Variants in PHKB observed in about 807,000 individuals in gnomAD.
PHKB encodes phosphorylase b kinase regulatory subunit beta.
In PHKB, 122 loss-of-function variants were observed where a neutral mutation model predicts 152.1. That is an observed-to-expected ratio of 0.80 (90% CI 0.69 to 0.93). The LOEUF (loss-of-function observed/expected upper bound fraction) is 0.93, where lower values mean the gene tolerates loss of function less well. PHKB is among the 40% of genes least tolerant of loss of function. The pLI is 0.00. For missense variants in PHKB, 1,304 were observed against 1,328.4 expected (o/e 0.98, Z 0.29); for synonymous variants, 436 against 464.9 (o/e 0.94, Z 0.80).
chr16:47,652,501 T>A (rs1011447342), intron 20 of PHKB, among the ~76,000 whole-genome samples: 40 of 151,838 alleles, frequency 2.6e-4, no homozygotes, highest in Non-Finnish European at 3.1e-4. Context: ...CTAATTGACA[T>A]TCCCACCAAA....
intron 14 of PHKB, among the ~76,000 whole-genome samples, chr16:47,623,590 G>A (rs1321834770): frequency 2.2e-5 from 3 of 137,774 alleles, no homozygotes; most frequent in Non-Finnish European, 3.0e-5. Context: ...TTGAGACGGA[G>A]TCTTGCTCTT....
At chr16:47,486,264 G>A (rs1352881642) in intron 1 of PHKB, among the ~76,000 whole-genome samples, 2 of 152,200 alleles carry the variant, frequency 1.3e-5, no homozygotes, top group Admixed American at 1.3e-4. Flanking sequence ...ACTCAGTTCA[G>A]TTCATAAATA....
chr16:47,650,756 G>T, intron 19 of PHKB, 75 bp from the exon 20 acceptor site: 1 of 1,276,840 alleles, frequency 7.8e-7, no homozygotes, highest in South Asian at 1.2e-5. Flanking sequence ...GTATATATAA[G>T]GGGCACTTAG....
chr16:47,562,754 A>G (rs760948685), intron 7 of PHKB, among the ~76,000 whole-genome samples: 20 of 152,212 alleles, frequency 1.3e-4, no homozygotes, highest in Non-Finnish European at 2.2e-4. Flanking sequence ...AGTTTGCCAC[A>G]TTGAAGGACT....
intron 13 of PHKB, among the ~76,000 whole-genome samples, chr16:47,599,517 G>A (rs372290503): frequency 9.2e-5 from 14 of 152,288 alleles, no homozygotes; most frequent in Admixed American, 5.2e-4. Flanking sequence ...TGAACTTTCC[G>A]TAATAAATGT....
intron 8 of PHKB, among the ~76,000 whole-genome samples, chr16:47,582,141 A>C (rs1471028077): frequency 6.6e-6 from 1 of 152,206 alleles, no homozygotes; most frequent in Non-Finnish European, 1.5e-5. Context: ...GGTCTTGCTA[A>C]CCTGGCTTCT....
At chr16:47,548,786 T>C (rs1971220222) in intron 7 of PHKB, among the ~76,000 whole-genome samples, 1 of 152,186 alleles carries the variant, frequency 6.6e-6, no homozygotes, top group Admixed American at 6.5e-5. Context: ...GTGACCTTTT[T>C]ATGATTCAGT....
At chr16:47,586,952 G>A (rs1971945102) in intron 8 of PHKB, among the ~76,000 whole-genome samples, 1 of 151,754 alleles carries the variant, frequency 6.6e-6, no homozygotes, top group South Asian at 2.1e-4. Flanking sequence ...ATACGTATAT[G>A]GGGGAATTGT....
chr16:47,645,549 C>T (rs1490625870), intron 16 of PHKB, among the ~76,000 whole-genome samples: 1 of 138,696 alleles, frequency 7.2e-6, no homozygotes, highest in African/African-American at 2.7e-5. Flanking sequence ...TTTCTGAGGG[C>T]TCTGTTCTGT....
At chr16:47,660,954 C>T (rs1452167487) in intron 22 of PHKB, 135 bp downstream of exon 22, 10 of 842,182 alleles carry the variant, frequency 1.2e-5, no homozygotes, top group African/African-American at 3.4e-5. Flanking sequence ...TGTCTACTCC[C>T]AGGGCAATCA....
chr16:47,589,665 A>G (rs905399839), intron 10 of PHKB, among the ~76,000 whole-genome samples: 3 of 152,214 alleles, frequency 2.0e-5, no homozygotes, highest in South Asian at 4.1e-4. Flanking sequence ...ATACCACTAT[A>G]TGTAGTTTTA....
At chr16:47,661,150 C>G (rs1312055011) in intron 22 of PHKB, among the ~76,000 whole-genome samples, 1 of 152,174 alleles carries the variant, frequency 6.6e-6, no homozygotes. Flanking sequence ...CTGCCCCCAT[C>G]TTGTCCCCTG....
chr16:47,559,884 G>A lies in PHKB; in HGVS notation c.710+12336G>A, dbSNP rs562042445. Among the ~76,000 whole-genome samples, 3 of 152,222 alleles carry A rather than the reference G, an allele frequency of 2.0e-5. No individual in the cohort carries two copies. In the South Asian group the frequency reaches 6.2e-4, roughly 32 times the overall value. ...TAAACCACCACGGGTCCTTCACTTG[G>A]ATTTTACTCCTTTAGGTTCCAGCCC... On this transcript the variant is annotated intron_variant, in intron 7 of 30. Coordinates refer to ENST00000323584, the MANE Select transcript of PHKB (RefSeq NM_000293.3).
At chr16:47,533,645 C>G (rs1182913705) in intron 6 of PHKB, among the ~76,000 whole-genome samples, 2 of 152,178 alleles carry the variant, frequency 1.3e-5, no homozygotes, top group African/African-American at 2.4e-5. Context: ...CCTGACTTTG[C>G]TCCAAGATCA....
chr16:47,547,478 C>T lies in PHKB; in HGVS notation c.640C>T (p.Arg214Cys), dbSNP rs1229604720. ...NLVFCVERVY[R>C]VPDFGVWERG... ...TGTATTTTGTGTGGAAAGAGTTTAC[C>T]GTGTGCCTGACTTTGGTGTCTGGGA... Residue 214 changes from arginine to cysteine, a missense_variant, in exon 7 of 31, where the codon CGT becomes TGT. By Grantham distance (180) the Arg-to-Cys change is radical. Coordinates refer to ENST00000323584, the MANE Select transcript of PHKB (RefSeq NM_000293.3). 2.5e-6 allele frequency: 4 copies of T among 1,612,520 alleles called. No individual in the cohort carries two copies. The highest frequency in any genetic ancestry group is 3.4e-6 in the Non-Finnish European group (4 of 1,178,742).
At chr16:47,653,127 T>C (rs1973270081) in intron 20 of PHKB, among the ~76,000 whole-genome samples, 1 of 152,208 alleles carries the variant, frequency 6.6e-6, no homozygotes, top group African/African-American at 2.4e-5. Context: ...TTCTTTTCTC[T>C]AAGGCTTTTC....
chr16:47,538,560 C>G (rs1043742856), intron 6 of PHKB, among the ~76,000 whole-genome samples: 1 of 152,236 alleles, frequency 6.6e-6, no homozygotes, highest in Non-Finnish European at 1.5e-5. Flanking sequence ...GGGAGGTATG[C>G]TTGCCCCTGA....
At chr16:47,598,593 G>C (rs1373118033) in intron 13 of PHKB, 10 of 986,772 alleles carry the variant, frequency 1.0e-5, no homozygotes, top group Non-Finnish European at 1.6e-5. Flanking sequence ...ACACGCCCTC[G>C]ATATAGCAGA....
At chr16:47,522,412 T>C (rs1184880825) in intron 6 of PHKB, among the ~76,000 whole-genome samples, 2 of 152,086 alleles carry the variant, frequency 1.3e-5, no homozygotes, top group African/African-American at 4.8e-5. Context: ...CTTCCTTTAA[T>C]AGTTTGAGTC....
Sources: allele counts gnomAD v4.1 joint callset (sites outside exome capture counted in the v4.1 genomes callset), GRCh38; gene constraint gnomAD v4.1.1; transcripts MANE v1.5; gene names NCBI Gene and HGNC (gene_info 2026-07-23, HGNC 2026-07-21).